CDKAL1: variants seen among roughly 807,000 people sequenced by gnomAD.
CDKAL1 encodes threonylcarbamoyladenosine tRNA methylthiotransferase.
CDKAL1 carries 32 observed loss-of-function variants against 68.2 expected under a neutral mutation model. That is an observed-to-expected ratio of 0.47 (90% CI 0.35 to 0.63). CDKAL1 has a LOEUF of 0.63. CDKAL1 is among the 30% of genes least tolerant of loss of function. The pLI is 0.00. For synonymous variants in CDKAL1, 234 were observed against 244.3 expected (o/e 0.96, Z 0.39); for missense variants, 606 against 696.7 (o/e 0.87, Z 1.47).
Position 21,000,276 on chromosome 6 carries a change from T to C in CDKAL1, c.959T>C (p.Ile320Thr), listed in dbSNP as rs767441793. The C allele has an allele frequency of 6.2e-7, 1 of 1,613,984 alleles. No homozygotes were observed. Among genetic ancestry groups the C allele is most frequent in the Non-Finnish European group, 8.5e-7 (1 of 1,179,868 alleles). ...CCCAGAGTCTACGCTTTTCTGCACATACCAGTCCAGTCTGCCTCCGACAGC... is the reference window on the plus strand; with the variant it reads ...CCCAGAGTCTACGCTTTTCTGCACACACCAGTCCAGTCTGCCTCCGACAGC... ...NHPRVYAFLH[I>T]PVQSASDSVL... The change falls in exon 11 of 16, where the codon ATA becomes ACA. Residue 320 changes from isoleucine (I) to threonine (T), a missense_variant. Transcript: ENST00000274695.
chr6:20,783,861 A>T (rs1775539690), intron 8 of CDKAL1, among the ~76,000 whole-genome samples: 1 of 152,134 alleles, frequency 6.6e-6, no homozygotes, highest in Admixed American at 6.5e-5. Flanking sequence ...TCTGTAGGGG[A>T]TTAGTTCCAG....
At chr6:20,859,704 TAGAAG>T in intron 9 of CDKAL1, among the ~76,000 whole-genome samples, 1 of 152,240 alleles carries the variant, frequency 6.6e-6, no homozygotes, top group Non-Finnish European at 1.5e-5. Flanking sequence ...AGTGGCTTCT[TAGAAG>T]AGAAAGAACT....
rs555805435 is a variant in CDKAL1 at position 20,946,955 on chromosome 6, G to C, written c.743-8464G>C. 4.4e-4 allele frequency among the ~76,000 whole-genome samples: 67 copies of C among 152,156 alleles called. 2 individuals are homozygous for C. In the South Asian group the frequency reaches 0.012, roughly 28 times the overall value. ...TTTTTATTAGCACTTATTTTTACTT[G>C]ACAATATGTTCTTTATCTCTTAGTT... On this transcript the variant is annotated intron_variant, in intron 9 of 15. Transcript: ENST00000274695.
chr6:20,946,056 T>G (rs1169083566), intron 9 of CDKAL1, among the ~76,000 whole-genome samples: 1 of 152,208 alleles, frequency 6.6e-6, no homozygotes, highest in Non-Finnish European at 1.5e-5. Context: ...TATTGAGAGC[T>G]TTCACTGGCA....
intron 10 of CDKAL1, among the ~76,000 whole-genome samples, chr6:20,988,182 A>ATGTGTGTGTGTG (rs58720900): frequency 0.12 from 16,324 of 137,252 alleles, 1,105 homozygotes; most frequent in East Asian, 0.21. Flanking sequence ...GAAACATAAT[A>ATGTGTGTGTGTG]TGTGTGTGTG....
At chr6:21,118,476 A>G (rs1163344426) in intron 13 of CDKAL1, among the ~76,000 whole-genome samples, 1 of 152,258 alleles carries the variant, frequency 6.6e-6, no homozygotes, top group Non-Finnish European at 1.5e-5. Flanking sequence ...TCAGGGTTGC[A>G]CAAAACCATT....
intron 5 of CDKAL1, among the ~76,000 whole-genome samples, chr6:20,682,071 C>A (rs893844658): frequency 6.6e-6 from 1 of 152,152 alleles, no homozygotes; most frequent in African/African-American, 2.4e-5. Context: ...TAATGAGGGT[C>A]CCACCCTCAT....
At chr6:21,004,741 G>C (rs1304868164) in intron 11 of CDKAL1, among the ~76,000 whole-genome samples, 1 of 152,032 alleles carries the variant, frequency 6.6e-6, no homozygotes, top group Non-Finnish European at 1.5e-5. Context: ...GAGGTAGGAG[G>C]ATCACTTGAG....
At chr6:21,055,084 C>G (rs543598078) in intron 11 of CDKAL1, among the ~76,000 whole-genome samples, 2 of 152,018 alleles carry the variant, frequency 1.3e-5, no homozygotes, top group Non-Finnish European at 2.9e-5. Context: ...TTTGATTTGT[C>G]AAAAGTTTTC....
chr6:20,765,907 C>A (rs994584390), intron 7 of CDKAL1, among the ~76,000 whole-genome samples: 2 of 150,490 alleles, frequency 1.3e-5, no homozygotes, highest in African/African-American at 4.8e-5. Flanking sequence ...TTATCCACTA[C>A]AAAATATGTA....
chr6:21,176,672 C>A (rs1777583231), intron 13 of CDKAL1, among the ~76,000 whole-genome samples: 1 of 141,068 alleles, frequency 7.1e-6, no homozygotes, highest in Admixed American at 7.3e-5. Flanking sequence ...TCTTCATGGG[C>A]TGGATGTTGG....
chr6:20,844,517 GGA>G (rs1246955205), intron 8 of CDKAL1, among the ~76,000 whole-genome samples: 3 of 151,828 alleles, frequency 2.0e-5, no homozygotes, highest in Non-Finnish European at 2.9e-5. Flanking sequence ...ATCAAGATAG[GGA>G]AACCCAACTC....
At chr6:20,894,747 C>T (rs1761588145) in intron 9 of CDKAL1, among the ~76,000 whole-genome samples, 1 of 152,094 alleles carries the variant, frequency 6.6e-6, no homozygotes, top group Non-Finnish European at 1.5e-5. Context: ...TGGCTCACAC[C>T]TGCAATCCTC....
intron 4 of CDKAL1, among the ~76,000 whole-genome samples, chr6:20,624,702 T>C (rs1295424718): frequency 3.3e-5 from 5 of 152,114 alleles, no homozygotes; most frequent in East Asian, 1.9e-4. Context: ...GGCATGAACA[T>C]TGAGAAGCAT....
At chr6:20,600,660 T>C (rs1046134115) in intron 4 of CDKAL1, among the ~76,000 whole-genome samples, 7 of 151,446 alleles carry the variant, frequency 4.6e-5, no homozygotes, top group Admixed American at 2.0e-4. Context: ...TTAAATAAGA[T>C]GATAATTAAT....
chr6:20,785,073 C>G (rs1218137428), intron 8 of CDKAL1, among the ~76,000 whole-genome samples: 4 of 152,054 alleles, frequency 2.6e-5, no homozygotes, highest in African/African-American at 9.7e-5. Flanking sequence ...CTCTCATCCT[C>G]TTGTATCCTT....
At chr6:20,941,226 T>G (rs573557972) in intron 9 of CDKAL1, among the ~76,000 whole-genome samples, 4 of 152,132 alleles carry the variant, frequency 2.6e-5, no homozygotes, top group Non-Finnish European at 4.4e-5. Context: ...TATTTACACA[T>G]TGTTTTGGTT....
chr6:20,672,342 C>G (rs973207145), intron 5 of CDKAL1, among the ~76,000 whole-genome samples: 2 of 150,898 alleles, frequency 1.3e-5, no homozygotes, highest in African/African-American at 4.9e-5. Context: ...CTGTCTCTCT[C>G]TCTCTCTTTC....
At chr6:20,743,610 A>T (rs1773547468) in intron 6 of CDKAL1, among the ~76,000 whole-genome samples, 1 of 152,158 alleles carries the variant, frequency 6.6e-6, no homozygotes, top group Non-Finnish European at 1.5e-5. Context: ...ATGGTAAGCA[A>T]TTTTTTGACC....
Sources: gnomAD v4.1 joint callset for allele counts (sites outside exome capture counted in the v4.1 genomes callset) on GRCh38, gnomAD v4.1.1 for gene constraint, MANE v1.5 for transcripts, NCBI Gene and HGNC (gene_info 2026-07-23, HGNC 2026-07-21) for gene names.